Variants in NKAIN3 observed in about 807,000 individuals in gnomAD.
NKAIN3 encodes sodium/potassium transporting ATPase interacting 3, also known as sodium/potassium-transporting ATPase subunit beta-1-interacting protein 3.
In NKAIN3, 25 loss-of-function variants were observed where a neutral mutation model predicts 30.2. The ratio of observed to expected loss-of-function variants is 0.83; its 90% CI spans 0.60 to 1.16. NKAIN3 has a LOEUF of 1.16. NKAIN3 is among the 50% of genes most tolerant of loss of function. NKAIN3 has a pLI of 0.00. For synonymous variants in NKAIN3, 91 were observed against 89.6 expected (o/e 1.02, Z -0.09); for missense variants, 225 against 254.1 (o/e 0.89, Z 0.78).
intron 3 of NKAIN3, among the ~76,000 whole-genome samples, chr8:62,739,812 G>A (rs2130566036): frequency 6.6e-6 from 1 of 152,232 alleles, no homozygotes; most frequent in African/African-American, 2.4e-5. Flanking sequence ...AGAAAGAGGA[G>A]ATCAAAATGA....
intron 3 of NKAIN3, among the ~76,000 whole-genome samples, chr8:62,743,061 C>T (rs977240566): frequency 1.3e-5 from 2 of 152,176 alleles, no homozygotes; most frequent in African/African-American, 4.8e-5. Context: ...CAACAGGTCC[C>T]TTCCACCACA....
intron 4 of NKAIN3, among the ~76,000 whole-genome samples, chr8:62,875,399 C>T (rs968734419): frequency 6.6e-6 from 1 of 152,076 alleles, no homozygotes; most frequent in Non-Finnish European, 1.5e-5. Flanking sequence ...GGCCATACTA[C>T]CAAAAGTAAT....
chr8:62,307,569 T>G (rs1200226212), intron 1 of NKAIN3, among the ~76,000 whole-genome samples: 2 of 150,602 alleles, frequency 1.3e-5, no homozygotes, highest in Non-Finnish European at 2.9e-5. Context: ...TGAAATATTT[T>G]TCATCTGTGG....
At chr8:62,301,683 T>A (rs752178333) in intron 1 of NKAIN3, among the ~76,000 whole-genome samples, 4 of 152,126 alleles carry the variant, frequency 2.6e-5, no homozygotes, top group Non-Finnish European at 4.4e-5. Flanking sequence ...TGAATTAATT[T>A]TCAAAACAGC....
intron 4 of NKAIN3, among the ~76,000 whole-genome samples, chr8:62,780,297 A>G (rs1416201106): frequency 6.6e-6 from 1 of 152,168 alleles, no homozygotes; most frequent in Non-Finnish European, 1.5e-5. Context: ...AATCAGCAAT[A>G]AAATGTCTCC....
At chr8:62,622,265 T>C (rs962605474) in intron 3 of NKAIN3, among the ~76,000 whole-genome samples, 1 of 152,066 alleles carries the variant, frequency 6.6e-6, no homozygotes, top group South Asian at 2.1e-4. Flanking sequence ...ACAGGTTTTG[T>C]GTGAACCTAA....
intron 1 of NKAIN3, among the ~76,000 whole-genome samples, chr8:62,300,725 A>G (rs928934120): frequency 1.3e-5 from 2 of 152,220 alleles, no homozygotes; most frequent in Admixed American, 6.6e-5. Context: ...AATTATTGAA[A>G]AGGTTTGGAG....
intron 1 of NKAIN3, among the ~76,000 whole-genome samples, chr8:62,490,945 A>G (rs1270643001): frequency 6.6e-6 from 1 of 152,322 alleles, no homozygotes; most frequent in East Asian, 1.9e-4. Context: ...CAAACACTCG[A>G]TAAGTAGTAC....
chr8:62,640,135 C>T (rs1306002532), intron 3 of NKAIN3, among the ~76,000 whole-genome samples: 1 of 152,096 alleles, frequency 6.6e-6, no homozygotes, highest in African/African-American at 2.4e-5. Flanking sequence ...TTGGTATCTT[C>T]TCCAGGGCAT....
intron 3 of NKAIN3, among the ~76,000 whole-genome samples, chr8:62,607,388 T>C (rs544602220): frequency 1.3e-5 from 2 of 152,270 alleles, no homozygotes; most frequent in African/African-American, 4.8e-5. Flanking sequence ...GGCACTGTCA[T>C]GGAAGGCTGA....
At chr8:62,801,509 G>T (rs190163156) in intron 4 of NKAIN3, among the ~76,000 whole-genome samples, 1 of 152,162 alleles carries the variant, frequency 6.6e-6, no homozygotes, top group Non-Finnish European at 1.5e-5. Context: ...AGGCAAACAG[G>T]GTCTGGAGTG....
intron 1 of NKAIN3, among the ~76,000 whole-genome samples, chr8:62,288,989 C>T (rs536189351): frequency 2.6e-4 from 40 of 152,284 alleles, no homozygotes; most frequent in Admixed American, 5.9e-4. Context: ...TCTCTGATGG[C>T]CAGTGATGAT....
At chr8:62,931,433 T>C (rs1162690535) in intron 5 of NKAIN3, among the ~76,000 whole-genome samples, 8 of 152,204 alleles carry the variant, frequency 5.3e-5, no homozygotes, top group African/African-American at 1.7e-4. Context: ...ATTATCCCAA[T>C]GATTATAAAA....
At chr8:62,733,603 A>G (rs1426437064) in intron 3 of NKAIN3, among the ~76,000 whole-genome samples, 1 of 152,082 alleles carries the variant, frequency 6.6e-6, no homozygotes, top group Non-Finnish European at 1.5e-5. Flanking sequence ...ATTTTACTGT[A>G]GTGCTCTGGA....
At chr8:62,662,944 G>A (rs1318246142) in intron 3 of NKAIN3, among the ~76,000 whole-genome samples, 1 of 152,170 alleles carries the variant, frequency 6.6e-6, no homozygotes, top group African/African-American at 2.4e-5. Flanking sequence ...AATTCATTCT[G>A]ACTTGAAATA....
chr8:62,883,457 G>GTTGTTTTTTTTTTTTTTTTTTTTTTT, intron 4 of NKAIN3, among the ~76,000 whole-genome samples: 17 of 70,228 alleles, frequency 2.4e-4, no homozygotes, highest in African/African-American at 9.1e-4. Flanking sequence ...AGTTTTATGG[G>GTTGTTTTTTTTTTTTTTTTTTTTTTT]TTTTTTTTTT....
intron 1 of NKAIN3, among the ~76,000 whole-genome samples, chr8:62,490,312 G>C (rs1325548357): frequency 6.6e-6 from 1 of 152,096 alleles, no homozygotes; most frequent in East Asian, 1.9e-4. Flanking sequence ...GTCCTAACCT[G>C]CCCTTCTTGA....
chr8:62,294,445 A>G (rs1304061202), intron 1 of NKAIN3, among the ~76,000 whole-genome samples: 1 of 152,154 alleles, frequency 6.6e-6, no homozygotes, highest in Non-Finnish European at 1.5e-5. Flanking sequence ...CATATTCAGT[A>G]TTTTTTATTT....
intron 4 of NKAIN3, among the ~76,000 whole-genome samples, chr8:62,916,150 A>G (rs185080590): frequency 3.9e-5 from 6 of 152,296 alleles, no homozygotes; most frequent in African/African-American, 1.2e-4. Flanking sequence ...AAAATATTCA[A>G]TGGCACTTCT....
Sources: gnomAD v4.1 joint callset for allele counts (sites outside exome capture counted in the v4.1 genomes callset) on GRCh38, gnomAD v4.1.1 for gene constraint, MANE v1.5 for transcripts, NCBI Gene and HGNC (gene_info 2026-07-23, HGNC 2026-07-21) for gene names.